The following GABBR2 variants were observed in gnomAD, a reference collection of about 807,000 sequenced individuals.
GABBR2 encodes the protein G-protein coupled receptor 51.
GABBR2 carries 23 observed loss-of-function variants against 105.6 expected under a neutral mutation model. That is an observed-to-expected ratio of 0.22 (90% CI 0.16 to 0.31). The LOEUF is 0.31. Ranked by LOEUF, GABBR2 falls within the 10% of genes least tolerant of loss-of-function variation. The pLI is 1.00. For missense variants in GABBR2, 734 were observed against 1,245.5 expected, an observed-to-expected ratio of 0.59 and a Z score of 6.18; for synonymous variants, 478 against 499.7, an observed-to-expected ratio of 0.96 and a Z score of 0.58.
chr9:98,633,947 T>C (rs896958306), intron 1 of GABBR2, among the ~76,000 whole-genome samples: 1 of 152,168 alleles, frequency 6.6e-6, no homozygotes, highest in Non-Finnish European at 1.5e-5. Flanking sequence ...GGTAACCGGC[T>C]TCAGTGCACA....
In GABBR2 at chr9:98,466,520, C is replaced by T. The variant is rs114020913; in HGVS notation, c.999+6626G>A. Among the ~76,000 whole-genome samples, 1,318 of 152,302 alleles carry T rather than the reference C, an allele frequency of 8.7e-3. 15 individuals are homozygous for T. Among genetic ancestry groups the T allele is most frequent in the African/African-American group, 0.03 (1,238 of 41,558 alleles). On this transcript the variant is annotated intron_variant, in intron 6 of 18. Transcript: ENST00000259455. ...ATGACCTGGGTTATAAACTCTTCAT[C>T]GATCTCACTACTCCTTCCTCCTACC...
At chr9:98,439,899 T>G (rs769434537) in intron 7 of GABBR2, among the ~76,000 whole-genome samples, 6 of 140,844 alleles carry the variant, frequency 4.3e-5, no homozygotes, top group Non-Finnish European at 9.6e-5. Flanking sequence ...TCACAGCCCT[T>G]TAAGGTAGGC....
intron 13 of GABBR2, among the ~76,000 whole-genome samples, chr9:98,344,029 C>G (rs1831261283): frequency 1.3e-5 from 2 of 152,132 alleles, no homozygotes; most frequent in Non-Finnish European, 2.9e-5. Flanking sequence ...TCCAAGACAC[C>G]AAACTCATCT....
Position 98,454,710 on chromosome 9 carries a change from C to A in GABBR2, c.1000-493G>T, listed in dbSNP as rs926723292. 6.6e-6 allele frequency among the ~76,000 whole-genome samples: 1 copy of A among 152,190 alleles called. No homozygotes were observed. Among genetic ancestry groups the A allele is most frequent in the Non-Finnish European group, 1.5e-5 (1 of 68,024 alleles). On this transcript the variant is annotated intron_variant, in intron 6 of 18. Coordinates refer to ENST00000259455, the MANE Select transcript of GABBR2 (RefSeq NM_005458.8). This position sits in a 1 kb window ranked among gnomAD's most constrained non-coding sequence, Gnocchi z 4.6. ...GCTGGAATTCAGAATTCTGGGACTT[C>A]TCTGAGTTTCAGCAGCACAGAGGGA...
At chr9:98,479,208 C>T (rs1004919620) in intron 5 of GABBR2, among the ~76,000 whole-genome samples, 2 of 152,146 alleles carry the variant, frequency 1.3e-5, no homozygotes, top group Non-Finnish European at 2.9e-5. Flanking sequence ...ACCCATAAAA[C>T]TTGCCAGTAA....
At chr9:98,393,898 A>T (rs1397930765) in intron 9 of GABBR2, among the ~76,000 whole-genome samples, 1 of 152,246 alleles carries the variant, frequency 6.6e-6, no homozygotes, top group Admixed American at 6.5e-5. Context: ...ATAGACCTAA[A>T]TTTAGCAGGG....
intron 8 of GABBR2, among the ~76,000 whole-genome samples, chr9:98,397,808 C>T (rs544676110): frequency 1.3e-5 from 2 of 152,300 alleles, no homozygotes; most frequent in South Asian, 2.1e-4. Context: ...CAGCTCTTCA[C>T]GTAGAAGCCA....
intron 2 of GABBR2, among the ~76,000 whole-genome samples, chr9:98,570,067 C>T (rs1208547607): frequency 2.6e-5 from 4 of 152,186 alleles, no homozygotes; most frequent in Admixed American, 6.5e-5. Flanking sequence ...AAGTCCTAAA[C>T]GTATTGGGAC....
chr9:98,490,590 G>T (rs569048252), intron 4 of GABBR2, among the ~76,000 whole-genome samples: 24 of 152,312 alleles, frequency 1.6e-4, no homozygotes, highest in African/African-American at 5.5e-4. Flanking sequence ...TGAGGCAACT[G>T]CCCCTCCCAT....
chr9:98,437,069 A>G (rs1825939847), intron 7 of GABBR2, among the ~76,000 whole-genome samples: 1 of 152,200 alleles, frequency 6.6e-6, no homozygotes, highest in East Asian at 1.9e-4. Flanking sequence ...AAGGCATCAG[A>G]TAAAACATGT....
chr9:98,469,178 A>G (rs1460931572), intron 6 of GABBR2, among the ~76,000 whole-genome samples: 1 of 152,216 alleles, frequency 6.6e-6, no homozygotes, highest in African/African-American at 2.4e-5. Context: ...AAGAGGTTCA[A>G]TTGACTCACA....
chr9:98,301,740 TA>T (rs1216818313), intron 16 of GABBR2, among the ~76,000 whole-genome samples: 2 of 152,150 alleles, frequency 1.3e-5, no homozygotes, highest in Non-Finnish European at 2.9e-5. Flanking sequence ...AGTGTGCAAG[TA>T]GAAGTGAAAT....
At chr9:98,562,943 G>A (rs753277686) in intron 2 of GABBR2, among the ~76,000 whole-genome samples, 4 of 151,386 alleles carry the variant, frequency 2.6e-5, no homozygotes, top group South Asian at 2.1e-4. Context: ...GGTGGTGTGC[G>A]CCTGTAATCC....
rs150053493 is a variant in GABBR2, at chr9:98,371,467, C to T, written c.1767G>A (p.Lys589=). The T allele has an allele frequency of 4.0e-4, 613 of 1,526,300 alleles. 2 individuals are homozygous for T. The highest frequency in any genetic ancestry group is 2.5e-3 in the Middle Eastern group (15 of 5,894). 94.5% of individuals were successfully genotyped at this position (1,526,300 alleles called of 1,614,324 possible). The change falls in exon 12 of 19, where the codon AAG becomes AAA. Residue 589 remains lysine, a synonymous_variant. Coordinates refer to ENST00000259455, the MANE Select transcript of GABBR2 (RefSeq NM_005458.8). ...GAAACAGAAGGAGAGTGATTACCTT[C>T]TTCTTCATTTTCACATTTTTGAAGA... ...HAIFKNVKMK[K]KIIKDQKLLV...
chr9:98,550,855 T>C (rs1259949674), intron 2 of GABBR2, among the ~76,000 whole-genome samples: 1 of 152,190 alleles, frequency 6.6e-6, no homozygotes, highest in African/African-American at 2.4e-5. Context: ...TCATAGATAC[T>C]GGATTTGTGG....
At chr9:98,689,737 A>T (rs1401403016) in intron 1 of GABBR2, among the ~76,000 whole-genome samples, 1 of 152,230 alleles carries the variant, frequency 6.6e-6, no homozygotes, top group Non-Finnish European at 1.5e-5. Flanking sequence ...TCCTAACGCT[A>T]TTATGTCAGT....
In GABBR2 at chr9:98,365,165, A is replaced by G. The variant is rs145910589; in HGVS notation, c.1771-2328T>C. ...CCAATTCTTGTCAAGCGTGATCTTG[A>G]GCAAGCTGCTTAACTTTGCTAGGAC... is the stretch of plus-strand genomic sequence containing the variant. On this transcript the variant is annotated intron_variant, in intron 12 of 18. Coordinates refer to ENST00000259455, the MANE Select transcript of GABBR2 (RefSeq NM_005458.8). Among the ~76,000 whole-genome samples the G allele has an allele frequency of 4.7e-4, 72 of 152,370 alleles. No individual in the cohort carries two copies. The East Asian group carries it at 0.012, about 24-fold the overall frequency.
intron 1 of GABBR2, among the ~76,000 whole-genome samples, chr9:98,655,389 A>G (rs958960912): frequency 6.6e-6 from 1 of 152,152 alleles, no homozygotes; most frequent in South Asian, 2.1e-4. Flanking sequence ...TTTAAAAAAA[A>G]AGCCTTTAAA....
rs1564025365 is a variant in GABBR2, at chr9:98,345,069, T to C, written c.1893+17646A>G. On this transcript the variant is annotated intron_variant, in intron 13 of 18. Transcript: ENST00000259455. The stretch of plus-strand genomic sequence containing the variant: ...CTGAGCATTGCCCTCCCTGCCCCCA[T>C]ATCACTACCCCTTAGAGTCAGTCAA... Among the ~76,000 whole-genome samples, 5 of 152,220 alleles carry C rather than the reference T, an allele frequency of 3.3e-5. No individual in the cohort carries two copies. In the South Asian group the frequency reaches 8.3e-4, roughly 25 times the overall value.
Sources: gnomAD v4.1 joint callset for allele counts (sites outside exome capture counted in the v4.1 genomes callset) on GRCh38, gnomAD v4.1.1 for gene constraint, Gnocchi (gnomAD v3.1) non-coding constraint, MANE v1.5 for transcripts, NCBI Gene and HGNC (gene_info 2026-07-23, HGNC 2026-07-21) for gene names.